Variants in SMAP1 observed in about 807,000 individuals in gnomAD.
SMAP1 encodes the protein stromal membrane-associated protein 1.
A neutral mutation model predicts 58.5 loss-of-function variants in SMAP1; 24 were observed. That is an observed-to-expected ratio of 0.41 (90% CI 0.30 to 0.58). The LOEUF is 0.58. Ranked by LOEUF, SMAP1 falls within the 20% of genes least tolerant of loss-of-function variation. The pLI is 0.29. For synonymous variants in SMAP1, 216 were observed against 196.6 expected, an observed-to-expected ratio of 1.10 and a Z score of -0.82; for missense variants, 563 against 566.3, an observed-to-expected ratio of 0.99 and a Z score of 0.06.
Position 70,798,712 on chromosome 6 carries a change from C to A in SMAP1, c.551C>A (p.Pro184Gln). The part of the protein sequence containing the change: ...EKKREKEPEK[P>Q]AKPLTAEKLQ... ...AAGAGAGAAAAGGAGCCAGAAAAGC[C>A]GGCAAAACCACTTACAGCTGAAAAG... The change falls in exon 6 of 11, where the codon CCG (proline) becomes CAG (glutamine). Residue 184 changes from proline to glutamine, a missense_variant. This residue lies in a region of SMAP1 where 494 missense variants were observed against 473.8 expected (regional missense o/e 1.04). Transcript: ENST00000370455. The A allele has an allele frequency of 6.4e-7, 1 of 1,558,626 alleles. No individual in the cohort carries two copies. The highest frequency in any genetic ancestry group is 1.4e-5 in the African/African-American group (1 of 72,258).
intron 3 of SMAP1, among the ~76,000 whole-genome samples, chr6:70,770,695 T>G (rs1767249394): frequency 6.6e-6 from 1 of 152,204 alleles, no homozygotes; most frequent in Non-Finnish European, 1.5e-5. Context: ...TTGGTTTGAA[T>G]TTCCTCTTGT....
intron 1 of SMAP1, among the ~76,000 whole-genome samples, chr6:70,685,405 A>G (rs982654450): frequency 6.6e-6 from 1 of 152,124 alleles, no homozygotes; most frequent in East Asian, 1.9e-4. Flanking sequence ...GAGGCAGGCC[A>G]TAAACACAGA....
chr6:70,860,479 C>A lies in SMAP1; in HGVS notation c.*145C>A. 1 of 921,708 alleles carries A rather than the reference C, an allele frequency of 1.1e-6. No individual in the cohort carries two copies. Among genetic ancestry groups the A allele is most frequent in the Non-Finnish European group, 1.5e-6 (1 of 653,452 alleles). 57.1% of individuals were successfully genotyped at this position (921,708 alleles called of 1,614,324 possible). Reference sequence around the variant, plus strand: ...GAATGATCTGATTGACCGTGTTGGTCTGTACTGATTCAATTTGATGTGGTG... The same window carrying A: ...GAATGATCTGATTGACCGTGTTGGTATGTACTGATTCAATTTGATGTGGTG... On this transcript the variant is annotated 3_prime_UTR_variant, in exon 11 of 11. Coordinates refer to ENST00000370455, the MANE Select transcript of SMAP1 (RefSeq NM_001044305.3).
At chr6:70,673,062 A>G (rs4706458) in intron 1 of SMAP1, among the ~76,000 whole-genome samples, 36,558 of 152,108 alleles carry the variant, frequency 0.24, 5,435 homozygotes, top group Non-Finnish European at 0.33. Flanking sequence ...AAGAGGACCT[A>G]AATTCACACA....
intron 6 of SMAP1, among the ~76,000 whole-genome samples, chr6:70,821,492 G>T (rs1450139940): frequency 2.0e-5 from 3 of 151,940 alleles, no homozygotes; most frequent in Non-Finnish European, 4.4e-5. Flanking sequence ...TTCTTATTCT[G>T]TGCTAATCAA....
intron 4 of SMAP1, among the ~76,000 whole-genome samples, chr6:70,784,388 C>T (rs1201580956): frequency 2.0e-5 from 3 of 152,160 alleles, no homozygotes; most frequent in Non-Finnish European, 4.4e-5. Context: ...GAAGAAACTG[C>T]ATCAACTAAC....
At chr6:70,798,825 A>C (rs768114059) in intron 6 of SMAP1, 88 bp downstream of exon 6, 145 of 1,026,950 alleles carry the variant, frequency 1.4e-4, no homozygotes, top group Non-Finnish European at 1.9e-4. Flanking sequence ...TATTTATAAT[A>C]TGTAAATAAT....
intron 3 of SMAP1, among the ~76,000 whole-genome samples, chr6:70,770,152 C>A (rs1180382351): frequency 1.3e-5 from 2 of 151,684 alleles, no homozygotes; most frequent in Non-Finnish European, 2.9e-5. Context: ...TTGTGGGTAA[C>A]CCGACCTTTC....
intron 1 of SMAP1, among the ~76,000 whole-genome samples, chr6:70,725,219 T>G (rs1245504152): frequency 1.4e-5 from 2 of 147,182 alleles, no homozygotes; most frequent in Admixed American, 6.9e-5. Context: ...CGGGTTCACA[T>G]TATTCTCCTG....
chr6:70,719,811 G>A lies in SMAP1; in HGVS notation c.119-12567G>A, dbSNP rs142873569. On this transcript the variant is annotated intron_variant, in intron 1 of 10. Coordinates refer to ENST00000370455, the MANE Select transcript of SMAP1 (RefSeq NM_001044305.3). ...ACTTATTAACTATAATGAGAATAGC[G>A]TGGGAAAGACTAGCCCCCATGGTTC... is the stretch of plus-strand genomic sequence containing the variant. Among the ~76,000 whole-genome samples, 123 of 152,218 alleles carry A rather than the reference G, an allele frequency of 8.1e-4. No individual in the cohort carries two copies. The East Asian group carries it at 0.016, about 19-fold the overall frequency.
intron 8 of SMAP1, among the ~76,000 whole-genome samples, chr6:70,855,319 A>C (rs964054920): frequency 3.3e-4 from 50 of 152,238 alleles, no homozygotes; most frequent in African/African-American, 1.0e-3. Flanking sequence ...AGTGCTTACT[A>C]GTCCTGCTGA....
At chr6:70,750,609 T>G (rs982096540) in intron 2 of SMAP1, among the ~76,000 whole-genome samples, 1 of 152,188 alleles carries the variant, frequency 6.6e-6, no homozygotes, top group Non-Finnish European at 1.5e-5. Context: ...GTAGATGAAT[T>G]TCAGCAATTC....
chr6:70,701,138 A>G (rs1582025811), intron 1 of SMAP1, among the ~76,000 whole-genome samples: 1 of 152,134 alleles, frequency 6.6e-6, no homozygotes. Flanking sequence ...TGGCTGCCCC[A>G]GCTGGTATCT....
intron 7 of SMAP1, among the ~76,000 whole-genome samples, chr6:70,841,490 T>C (rs1420538505): frequency 9.9e-6 from 1 of 101,432 alleles, no homozygotes; most frequent in Non-Finnish European, 2.0e-5. Context: ...CTCAGGGGTG[T>C]ACATCATGTG....
chr6:70,787,611 C>T (rs531646816), intron 4 of SMAP1, among the ~76,000 whole-genome samples: 2 of 151,952 alleles, frequency 1.3e-5, no homozygotes, highest in African/African-American at 4.8e-5. Context: ...AGGAAAAAAA[C>T]AAACAACCCC....
At chr6:70,729,469 G>GTGTGTGTGTA (rs72504384) in intron 1 of SMAP1, among the ~76,000 whole-genome samples, 10 of 149,776 alleles carry the variant, frequency 6.7e-5, no homozygotes, top group Non-Finnish European at 1.5e-4. Flanking sequence ...TTGTGTGTGT[G>GTGTGTGTGTA]TGTGTGTGTG....
chr6:70,847,743 G>A (rs1771045264), intron 7 of SMAP1, among the ~76,000 whole-genome samples: 1 of 152,008 alleles, frequency 6.6e-6, no homozygotes, highest in Non-Finnish European at 1.5e-5. Flanking sequence ...CTAATTAAAG[G>A]GGGACTGCTG....
At chr6:70,668,291 G>A (rs925075304) in intron 1 of SMAP1, 150 bp downstream of exon 1, 5 of 835,416 alleles carry the variant, frequency 6.0e-6, no homozygotes, top group Non-Finnish European at 7.1e-6. Context: ...GCGGGCGGGC[G>A]CGGGGCTCCT....
At chr6:70,755,928 ACT>A (rs967240859) in intron 3 of SMAP1, among the ~76,000 whole-genome samples, 34 of 152,112 alleles carry the variant, frequency 2.2e-4, no homozygotes, top group Admixed American at 1.9e-3. Context: ...CACTACTGAC[ACT>A]CTGTTGTAGG....
Sources: allele counts gnomAD v4.1 joint callset (sites outside exome capture counted in the v4.1 genomes callset), GRCh38; gene constraint gnomAD v4.1.1; regional missense constraint gnomAD v4.1.1; transcripts MANE v1.5; gene names NCBI Gene and HGNC (gene_info 2026-07-23, HGNC 2026-07-21).